Variants in RYR1 observed in about 807,000 individuals in gnomAD.
RYR1 encodes the protein ryanodine receptor 1, also known as central core disease of muscle.
RYR1 carries 342 observed loss-of-function variants against 583.5 expected under a neutral mutation model. The observed-to-expected ratio is 0.59, with a 90% CI of 0.54 to 0.64. The LOEUF (loss-of-function observed/expected upper bound fraction) is 0.64, where lower values mean the gene tolerates loss of function less well. RYR1 is among the 30% of genes least tolerant of loss of function. The pLI is 0.00. For synonymous variants in RYR1, 2,791 were observed against 2,822.5 expected (o/e 0.99, Z 0.35); for missense variants, 6,032 against 6,917.2 (o/e 0.87, Z 4.54).
chr19:38,575,339 G>T (rs991813703), intron 96 of RYR1, among the ~76,000 whole-genome samples: 3 of 152,130 alleles, frequency 2.0e-5, no homozygotes, highest in Non-Finnish European at 2.9e-5. Context: ...TGGCAGTGGG[G>T]TCCCCACTGT....
At chr19:38,558,907 A>G (rs963776256) in intron 89 of RYR1, among the ~76,000 whole-genome samples, 1 of 152,230 alleles carries the variant, frequency 6.6e-6, no homozygotes, top group African/African-American at 2.4e-5. Context: ...CCTGGCCAAC[A>G]TGGCGAAACC....
Position 38,565,401 on chromosome 19 carries a change from G to A in RYR1, c.13067G>A (p.Gly4356Asp), listed in dbSNP as rs1448106172. The change falls in exon 91 of 106, where the codon GGC becomes GAC. Residue 4356 changes from glycine (G) to aspartate (D), a missense_variant. Transcript: ENST00000359596. The surrounding 1 kb of genome is among the most constrained non-coding windows in gnomAD (Gnocchi z 4.7). ...GCGGGGGCGGCGGCGGGCGCGCTGG[G>A]CCTGCTCTGGGGCTCGCTGTTCGGC... is the stretch of plus-strand genomic sequence containing the variant. ...AGAGAAAGALGLLWGSLFGGG... is the reference protein window; with the variant it reads ...AGAGAAAGALDLLWGSLFGGG... 12 of 1,453,926 alleles carry A rather than the reference G, an allele frequency of 8.3e-6. No individual in the cohort carries two copies. Among genetic ancestry groups the A allele is most frequent in the Non-Finnish European group, 1.1e-5 (12 of 1,107,430 alleles). The allele number at this position is 1,453,926 out of a possible 1,614,324, so 90.1% of individuals were successfully genotyped here. A position where few individuals can be genotyped will look rare whatever the true frequency, so the allele number is the denominator to read the frequency against.
In RYR1 at chr19:38,575,977, T is replaced by C. The variant is rs750945178; in HGVS notation, c.14172+16T>C. On this transcript the variant is annotated intron_variant, in intron 97 of 105. Coordinates refer to ENST00000359596, the MANE Select transcript of RYR1 (RefSeq NM_000540.3). ...CAAGCGCAAGGTGAGAGGACATGGA[T>C]GCCCTGGGTCCTGGATTGGGTCCCT... 1.2e-6 allele frequency: 2 copies of C among 1,614,098 alleles called. No homozygotes were observed. The highest frequency in any genetic ancestry group is 1.7e-6 in the Non-Finnish European group (2 of 1,179,926).
In RYR1 at chr19:38,536,052, G is replaced by A. The variant is rs1568550299; in HGVS notation, c.11572G>A (p.Val3858Met). The stretch of plus-strand genomic sequence containing the variant: ...GAACAAGGCCGAGGGGCTGGGCATG[G>A]TGAATGAGGATGGCACTGGTGAGGC... ...RQNKAEGLGM[V>M]NEDGTVINRQ... The change falls in exon 82 of 106, where the codon GTG becomes ATG. Residue 3858 changes from valine to methionine, a missense_variant. Transcript: ENST00000359596. 1.2e-6 allele frequency: 2 copies of A among 1,613,394 alleles called. No individual in the cohort carries two copies. The highest frequency in any genetic ancestry group is 2.7e-5 in the African/African-American group (2 of 74,876).
chr19:38,469,342 G>A lies in RYR1; in HGVS notation c.3594G>A (p.Val1198=), dbSNP rs1219381578. ...TCTGCAGCTTGGGACCTGGCCAGGT[G>A]GGTCATCTGAACCTGGGCCAGGACG... is the stretch of plus-strand genomic sequence containing the variant. ...LPVCSLGPGQ[V]GHLNLGQDVS... is the part of the protein sequence containing the mutation. Residue 1198 remains valine, a synonymous_variant, in exon 27 of 106, where the codon GTG becomes GTA. Transcript: ENST00000359596. 1 of 1,614,018 alleles carries A rather than the reference G, an allele frequency of 6.2e-7. No individual in the cohort carries two copies. Among genetic ancestry groups the A allele is most frequent in the East Asian group, 2.2e-5 (1 of 44,854 alleles).
intron 93 of RYR1, among the ~76,000 whole-genome samples, chr19:38,570,336 C>G (rs1303942246): frequency 6.6e-6 from 1 of 151,670 alleles, no homozygotes; most frequent in East Asian, 1.9e-4. Context: ...CCTGTAGTCC[C>G]AGCTACTCGG....
chr19:38,515,013 C>A lies in RYR1; in HGVS notation c.9473-13C>A. The A allele has an allele frequency of 6.2e-7, 1 of 1,608,292 alleles. No individual in the cohort carries two copies. The highest frequency in any genetic ancestry group is 8.5e-7 in the Non-Finnish European group (1 of 1,176,000). ...TGAGCGCATGCCGCAGCCTCGCCCC[C>A]TGTCTCCCTCAGTGGACGACGTCCA... On this transcript the variant is annotated splice_polypyrimidine_tract_variant and intron_variant, in intron 63 of 105. Transcript: ENST00000359596.
At chr19:38,456,863 G>A (rs1160789445) in intron 16 of RYR1, among the ~76,000 whole-genome samples, 6 of 151,054 alleles carry the variant, frequency 4.0e-5, no homozygotes, top group Admixed American at 6.6e-5. Context: ...TGGCTAATGC[G>A]GTGAAACCCT....
chr19:38,564,055 C>G (rs1403054687), intron 90 of RYR1, among the ~76,000 whole-genome samples: 1 of 152,222 alleles, frequency 6.6e-6, no homozygotes. Flanking sequence ...CTCTATAAAG[C>G]TCTCTCTATA....
chr19:38,480,329 A>T lies in RYR1; in HGVS notation c.4620+1729A>T, dbSNP rs142433807. ...GGCTAATTTTTTTTAGTTTTAGTGGAGACAGGATCTTGCTATGTTGCCCAG... is the reference window on the plus strand; with the variant it reads ...GGCTAATTTTTTTTAGTTTTAGTGGTGACAGGATCTTGCTATGTTGCCCAG... On this transcript the variant is annotated intron_variant, in intron 31 of 105. Coordinates refer to ENST00000359596, the MANE Select transcript of RYR1 (RefSeq NM_000540.3). 5.3e-3 allele frequency among the ~76,000 whole-genome samples: 798 copies of T among 151,600 alleles called. 10 individuals are homozygous for T. Among genetic ancestry groups the T allele is most frequent in the African/African-American group, 0.017 (703 of 41,304 alleles).
At position 38,565,416 on chromosome 19, in the gene RYR1, C is replaced by T. The variant is rs1385549951; in HGVS notation, c.13082C>T (p.Ser4361Leu). 32 of 1,483,096 alleles carry T rather than the reference C, an allele frequency of 2.2e-5. No individual in the cohort carries two copies. Among genetic ancestry groups the T allele is most frequent in the Non-Finnish European group, 2.8e-5 (31 of 1,123,530 alleles). The allele number at this position is 1,483,096 out of a possible 1,614,324, so 91.9% of individuals were successfully genotyped here. A position where few individuals can be genotyped will look rare whatever the true frequency, so the allele number is the denominator to read the frequency against. ...GGCGCGCTGGGCCTGCTCTGGGGCT[C>T]GCTGTTCGGCGGCGGCCTGGTGGAG... ...AAGALGLLWGSLFGGGLVEGA... is the reference protein window; with the variant it reads ...AAGALGLLWGLLFGGGLVEGA... The change falls in exon 91 of 106, where the codon TCG becomes TTG. Residue 4361 changes from serine to leucine, a missense_variant. Transcript: ENST00000359596. This position sits in a 1 kb window ranked among gnomAD's most constrained non-coding sequence, Gnocchi z 4.7.
rs773475577 is a variant in RYR1, at chr19:38,528,639, G to C, written c.10978G>C (p.Ala3660Pro). 5.0e-6 allele frequency: 8 copies of C among 1,614,086 alleles called. No individual in the cohort carries two copies. Among genetic ancestry groups the C allele is most frequent in the Non-Finnish European group, 6.8e-6 (8 of 1,180,042 alleles). Reference protein sequence around the residue: ...CNMFLESYKAAWILTEDHSFE... With the variant: ...CNMFLESYKAPWILTEDHSFE... The stretch of plus-strand genomic sequence containing the variant: ...CATGTTCCTGGAGAGCTACAAGGCT[G>C]CATGGATCCTGACTGAAGACCACAG... The change falls in exon 75 of 106, where the codon GCA (alanine) becomes CCA (proline). Residue 3660 changes from alanine (A) to proline (P), a missense_variant. Coordinates refer to ENST00000359596, the MANE Select transcript of RYR1 (RefSeq NM_000540.3).
At chr19:38,557,686 C>A (rs1308238487) in intron 89 of RYR1, among the ~76,000 whole-genome samples, 1 of 152,210 alleles carries the variant, frequency 6.6e-6, no homozygotes, top group East Asian at 1.9e-4. Context: ...TGCCTGAAGT[C>A]CCAGCTACTT....
rs577126495 is a variant in RYR1, at chr19:38,515,224, C to G, written c.9554+117C>G. 1.2e-5 allele frequency: 10 copies of G among 838,152 alleles called. No homozygotes were observed. In the East Asian group the frequency reaches 2.6e-4, roughly 22 times the overall value. The allele number at this position is 838,152 out of a possible 1,614,324, so 51.9% of individuals were successfully genotyped here. A position where few individuals can be genotyped will look rare whatever the true frequency, so the allele number is the denominator to read the frequency against. On this transcript the variant is annotated intron_variant, in intron 64 of 105. Transcript: ENST00000359596. ...TAGATGTTAAGAATTTTCCCGCACA[C>G]GGCGGCAGCCGCGGTTCCCCACGGC...
At chr19:38,491,283 ATACT>A (rs1246621513) in intron 37 of RYR1, among the ~76,000 whole-genome samples, 1 of 152,096 alleles carries the variant, frequency 6.6e-6, no homozygotes, top group Non-Finnish European at 1.5e-5. Context: ...TCTTGGATAT[ATACT>A]TACTTTTTAT....
At chr19:38,441,746 A>C (rs892053) in intron 2 of RYR1, among the ~76,000 whole-genome samples, 90,456 of 148,242 alleles carry the variant, frequency 0.61, 28,679 homozygotes, top group Admixed American at 0.68. Context: ...ATGGGGGGGA[A>C]GTTTCAGAGT....
At chr19:38,527,393 C>T (rs1971511595) in intron 72 of RYR1, among the ~76,000 whole-genome samples, 1 of 152,152 alleles carries the variant, frequency 6.6e-6, no homozygotes, top group African/African-American at 2.4e-5. Context: ...GCCTGTAGTC[C>T]CGGCTACTCA....
At chr19:38,519,143 G>A (rs1971106976) in intron 66 of RYR1, 71 bp from the exon 67 acceptor site, 21 of 1,611,784 alleles carry the variant, frequency 1.3e-5, no homozygotes, top group East Asian at 4.5e-5. Context: ...TTTGGGAGTC[G>A]GGCTGGGAAC....
chr19:38,466,501 C>CAT, intron 24 of RYR1, 103 bp downstream of exon 24: 1 of 641,854 alleles, frequency 1.6e-6, no homozygotes, highest in Non-Finnish European at 2.5e-6. Context: ...TGGGCTATAT[C>CAT]TTTTTTTTTT....
Sources: allele counts gnomAD v4.1 joint callset (sites outside exome capture counted in the v4.1 genomes callset), GRCh38; gene constraint gnomAD v4.1.1; non-coding constraint Gnocchi (gnomAD v3.1); transcripts MANE v1.5; gene names NCBI Gene and HGNC (gene_info 2026-07-23, HGNC 2026-07-21).